Variants in TACC2 observed in about 807,000 individuals in gnomAD.
TACC2 encodes the protein transforming acidic coiled-coil-containing protein 2.
Under a neutral mutation model 227.3 loss-of-function variants are expected in TACC2, and 137 were observed. The observed-to-expected ratio is 0.60, with a 90% CI of 0.52 to 0.69. The LOEUF (loss-of-function observed/expected upper bound fraction) is 0.69. Among genes scored for constraint, TACC2 ranks in the 30% least tolerant of loss-of-function variants. The pLI is 0.00. For missense variants in TACC2, 3,470 were observed against 3,694.4 expected (o/e 0.94, Z 1.57); for synonymous variants, 1,523 against 1,487.5 (o/e 1.02, Z -0.55).
At chr10:122,079,994 C>T (rs866036801) in intron 3 of TACC2, among the ~76,000 whole-genome samples, 8 of 152,324 alleles carry the variant, frequency 5.3e-5, no homozygotes, top group Non-Finnish European at 7.4e-5. Flanking sequence ...TGGTATTAGT[C>T]TGCTCGGGCT....
chr10:122,031,630 C>G (rs1019967388), intron 2 of TACC2, among the ~76,000 whole-genome samples: 2 of 152,012 alleles, frequency 1.3e-5, no homozygotes, highest in African/African-American at 4.8e-5. Flanking sequence ...GTCTCGATCT[C>G]CTGACCTTGT....
chr10:122,170,504 G>A (rs938358459), intron 7 of TACC2, among the ~76,000 whole-genome samples: 6 of 152,004 alleles, frequency 3.9e-5, no homozygotes, highest in African/African-American at 1.5e-4. Flanking sequence ...GTTTCATCAT[G>A]TTGGCCAGGC....
chr10:122,237,280 A>T, intron 16 of TACC2, 115 bp from the exon 17 acceptor site: 1 of 1,003,952 alleles, frequency 1.0e-6, no homozygotes, highest in Non-Finnish European at 1.4e-6. Flanking sequence ...CATACTTTTG[A>T]TGTTCTTTGT....
At chr10:122,012,924 T>C (rs538367987) in intron 1 of TACC2, among the ~76,000 whole-genome samples, 1 of 152,074 alleles carries the variant, frequency 6.6e-6, no homozygotes, top group East Asian at 1.9e-4. Context: ...GTGCTGCTCA[T>C]AGAAACAAGA....
At chr10:122,048,202 G>A (rs780867566) in intron 2 of TACC2, among the ~76,000 whole-genome samples, 1 of 152,154 alleles carries the variant, frequency 6.6e-6, no homozygotes, top group Non-Finnish European at 1.5e-5. Flanking sequence ...AGAGTTTGAT[G>A]AGTGGGGACC....
intron 8 of TACC2, among the ~76,000 whole-genome samples, chr10:122,207,104 A>G (rs761683260): frequency 2.5e-4 from 38 of 151,844 alleles, no homozygotes; most frequent in Non-Finnish European, 8.8e-5. Context: ...TTCAAGACCA[A>G]CCTGGCCAAC....
intron 5 of TACC2, among the ~76,000 whole-genome samples, chr10:122,128,915 C>T (rs933783453): frequency 8.6e-5 from 13 of 151,946 alleles, no homozygotes; most frequent in Non-Finnish European, 1.9e-4. Context: ...GTGTGTATGT[C>T]TATACATAGA....
chr10:122,217,625 A>G (rs1344171193), intron 11 of TACC2, among the ~76,000 whole-genome samples: 2 of 151,704 alleles, frequency 1.3e-5, no homozygotes, highest in African/African-American at 4.8e-5. Flanking sequence ...TTTTTAGTAG[A>G]AACGGGGTTT....
intron 5 of TACC2, among the ~76,000 whole-genome samples, chr10:122,124,488 G>A (rs555725175): frequency 1.3e-5 from 2 of 152,232 alleles, no homozygotes; most frequent in East Asian, 3.9e-4. Context: ...GTTCCCCATC[G>A]CCCCAGGACA....
intron 3 of TACC2, among the ~76,000 whole-genome samples, chr10:122,080,776 C>T (rs1280905975): frequency 6.6e-6 from 1 of 152,210 alleles, no homozygotes; most frequent in Non-Finnish European, 1.5e-5. Flanking sequence ...TGCATGTGCA[C>T]TGCCTGGTGT....
chr10:122,174,461 AAATGGAATT>A (rs1483120775), intron 7 of TACC2, among the ~76,000 whole-genome samples: 3 of 152,182 alleles, frequency 2.0e-5, no homozygotes, highest in Non-Finnish European at 4.4e-5. Flanking sequence ...GATGTCGGTG[AAATGGAATT>A]AACCTCCCAC....
chr10:122,130,887 A>T (rs892846291), intron 5 of TACC2, among the ~76,000 whole-genome samples: 1 of 152,200 alleles, frequency 6.6e-6, no homozygotes, highest in Non-Finnish European at 1.5e-5. Context: ...TGGCCTCAGC[A>T]TGCTCACCAC....
chr10:122,083,638 A>G lies in TACC2; in HGVS notation c.1138A>G (p.Met380Val). The G allele has an allele frequency of 6.2e-7, 1 of 1,611,294 alleles. No individual in the cohort carries two copies. Reference protein sequence around the residue: ...IDVQGHPQTGMRGTKPNQVVC... With the variant: ...IDVQGHPQTGVRGTKPNQVVC... The stretch of plus-strand genomic sequence containing the variant: ...TGTTCAGGGTCACCCACAGACAGGG[A>G]TGCGAGGAACCAAGCCCAATCAAGT... Residue 380 changes from methionine to valine, a missense_variant, in exon 4 of 23, where the codon ATG (methionine) becomes GTG (valine). Coordinates refer to ENST00000369005, the MANE Select transcript of TACC2 (RefSeq NM_206862.4).
intron 11 of TACC2, 121 bp downstream of exon 11, chr10:122,216,949 C>A: frequency 6.4e-7 from 1 of 1,553,674 alleles, no homozygotes; most frequent in Non-Finnish European, 8.7e-7. Context: ...ATTGTGAGAT[C>A]GTCTGCACGT....
chr10:122,190,258 A>G (rs999832375), intron 7 of TACC2, among the ~76,000 whole-genome samples: 3 of 152,196 alleles, frequency 2.0e-5, no homozygotes, highest in Non-Finnish European at 4.4e-5. Context: ...ACAGGGAAAT[A>G]GGCTCTTAGG....
intron 3 of TACC2, among the ~76,000 whole-genome samples, chr10:122,053,713 G>T (rs938767969): frequency 1.3e-5 from 2 of 152,132 alleles, no homozygotes; most frequent in African/African-American, 4.8e-5. Flanking sequence ...AAGTAGAGAG[G>T]GACTCTCAGA....
intron 5 of TACC2, among the ~76,000 whole-genome samples, chr10:122,115,872 G>A (rs1485752352): frequency 2.0e-5 from 3 of 152,160 alleles, no homozygotes; most frequent in Non-Finnish European, 2.9e-5. Context: ...ATGATCAGGA[G>A]GTGGTTTAGG....
chr10:122,200,115 G>T (rs548127694), intron 8 of TACC2, among the ~76,000 whole-genome samples: 2 of 152,210 alleles, frequency 1.3e-5, no homozygotes, highest in Admixed American at 6.5e-5. Flanking sequence ...CTCTTGGGCC[G>T]GCTGCTCCCT....
rs559145091 is a variant in TACC2, at chr10:122,186,987, G to A, written c.5835-8053G>A. On this transcript the variant is annotated intron_variant, in intron 7 of 22. Coordinates refer to ENST00000369005, the MANE Select transcript of TACC2 (RefSeq NM_206862.4). ...GCCTTTCTCCAGGAAGGCGTAGCAG[G>A]ATCTAGTTACAAATCGGTGAAATCA... 2.2e-4 allele frequency among the ~76,000 whole-genome samples: 33 copies of A among 152,290 alleles called. 1 individual carries two copies. In the South Asian group the frequency reaches 6.2e-3, roughly 29 times the overall value.
Sources: gnomAD v4.1 joint callset for allele counts (sites outside exome capture counted in the v4.1 genomes callset) on GRCh38, gnomAD v4.1.1 for gene constraint, MANE v1.5 for transcripts, NCBI Gene and HGNC (gene_info 2026-07-23, HGNC 2026-07-21) for gene names.